Variants in PRPSAP1 observed in about 807,000 individuals in gnomAD.
PRPSAP1 encodes the protein phosphoribosyl pyrophosphate synthase-associated protein 1.
A neutral mutation model predicts 39.4 loss-of-function variants in PRPSAP1; 31 were observed. The observed-to-expected ratio is 0.79, with a 90% CI of 0.59 to 1.06. The LOEUF is 1.06. PRPSAP1 is among the 50% of genes least tolerant of loss of function. PRPSAP1 has a pLI of 0.00. For missense variants in PRPSAP1, 430 were observed against 511.6 expected (o/e 0.84, Z 1.54); for synonymous variants, 212 against 192.6 (o/e 1.10, Z -0.83).
chr17:76,317,193 T>C (rs2071133405), intron 7 of PRPSAP1, among the ~76,000 whole-genome samples: 1 of 152,168 alleles, frequency 6.6e-6, no homozygotes, highest in African/African-American at 2.4e-5. Flanking sequence ...CTACTAAAAA[T>C]ATAAAAATTA....
intron 3 of PRPSAP1, among the ~76,000 whole-genome samples, chr17:76,336,206 G>A (rs1003203753): frequency 2.6e-5 from 4 of 152,206 alleles, no homozygotes; most frequent in Non-Finnish European, 5.9e-5. Flanking sequence ...GAGAGGCCAA[G>A]ACAGGTGGAT....
At chr17:76,329,905 A>G (rs1598527472) in intron 6 of PRPSAP1, 138 bp downstream of exon 6, 5 of 726,696 alleles carry the variant, frequency 6.9e-6, no homozygotes, top group Middle Eastern at 2.4e-4. Context: ...GGCATGGGAC[A>G]TGACAACGAT....
At chr17:76,350,310 G>A (rs181295936) in intron 1 of PRPSAP1, among the ~76,000 whole-genome samples, 48 of 151,932 alleles carry the variant, frequency 3.2e-4, no homozygotes, top group Admixed American at 1.5e-3. Flanking sequence ...GTGGTGGAGG[G>A]CGCCTGTAGT....
intron 6 of PRPSAP1, among the ~76,000 whole-genome samples, chr17:76,329,684 C>T (rs2071298344): frequency 6.6e-6 from 1 of 150,790 alleles, no homozygotes; most frequent in African/African-American, 2.5e-5. Flanking sequence ...TGCAGTGAGC[C>T]GAGATCGCGC....
chr17:76,326,012 C>T (rs1009556939), intron 7 of PRPSAP1, among the ~76,000 whole-genome samples: 4 of 152,146 alleles, frequency 2.6e-5, no homozygotes, highest in African/African-American at 9.7e-5. Context: ...ATAAACATAA[C>T]TTTTACATGT....
intron 3 of PRPSAP1, among the ~76,000 whole-genome samples, chr17:76,333,090 A>C (rs1163663506): frequency 2.7e-5 from 4 of 150,744 alleles, no homozygotes; most frequent in African/African-American, 9.8e-5. Context: ...ACGGGGTTTC[A>C]CCATGTTAGC....
At chr17:76,344,403 AC>A (rs2071473451) in intron 3 of PRPSAP1, among the ~76,000 whole-genome samples, 1 of 152,206 alleles carries the variant, frequency 6.6e-6, no homozygotes, top group East Asian at 1.9e-4. Context: ...TGCTGGGATT[AC>A]AGGCGTGAGC....
Position 76,311,754 on chromosome 17 carries a change from C to T in PRPSAP1, c.1000-54G>A, listed in dbSNP as rs2071073351. The stretch of plus-strand genomic sequence containing the variant: ...CTGTTACTGAAGTCTGTTCTCCAAG[C>T]TGGTTACACAGAAAAGCTTATCTAA... On this transcript the variant is annotated intron_variant, in intron 9 of 9. Transcript: ENST00000446526. 6 of 1,560,790 alleles carry T rather than the reference C, an allele frequency of 3.8e-6. No homozygotes were observed. The African/African-American group carries it at 4.1e-5, about 11-fold the overall frequency.
chr17:76,322,851 T>C (rs572949844), intron 7 of PRPSAP1, among the ~76,000 whole-genome samples: 1 of 151,962 alleles, frequency 6.6e-6, no homozygotes, highest in South Asian at 2.1e-4. Context: ...TCAGGTGTGG[T>C]GGCACGTACC....
chr17:76,345,886 G>A (rs1300151228), intron 2 of PRPSAP1: 2 of 420,358 alleles, frequency 4.8e-6, no homozygotes, highest in Non-Finnish European at 4.6e-6. Context: ...TGAGGCCAAG[G>A]TGAAAGACGA....
At chr17:76,315,700 CTTTTTT>C (rs71161279) in intron 7 of PRPSAP1, among the ~76,000 whole-genome samples, 3 of 72,640 alleles carry the variant, frequency 4.1e-5, no homozygotes, top group African/African-American at 1.9e-4. Context: ...GACCTATCCG[CTTTTTT>C]TTTTTTTTTT....
chr17:76,344,534 G>A, intron 3 of PRPSAP1, 137 bp downstream of exon 3: 2 of 742,058 alleles, frequency 2.7e-6, no homozygotes, highest in East Asian at 5.6e-5. Flanking sequence ...CAAAGTGTTG[G>A]CATAACAGGC....
chr17:76,320,337 G>GAAGA (rs2071180069), intron 7 of PRPSAP1, among the ~76,000 whole-genome samples: 9 of 93,230 alleles, frequency 9.7e-5, no homozygotes, highest in African/African-American at 6.6e-4. Flanking sequence ...GGGAGGGAGG[G>GAAGA]AGGGAGGAAG....
intron 2 of PRPSAP1, among the ~76,000 whole-genome samples, chr17:76,347,531 G>A (rs1598543162): frequency 1.3e-5 from 2 of 150,150 alleles, no homozygotes; most frequent in East Asian, 2.0e-4. Context: ...ACAGAGTGAG[G>A]GGAAAGAGAG....
chr17:76,341,861 C>A (rs2071443121), intron 3 of PRPSAP1, among the ~76,000 whole-genome samples: 1 of 152,110 alleles, frequency 6.6e-6, no homozygotes, highest in South Asian at 2.1e-4. Flanking sequence ...ATGGCGTGAA[C>A]TCGGGAGGCG....
chr17:76,338,097 C>T (rs2071397797), intron 3 of PRPSAP1, among the ~76,000 whole-genome samples: 2 of 152,130 alleles, frequency 1.3e-5, no homozygotes, highest in Non-Finnish European at 2.9e-5. Flanking sequence ...TTCTGAATGG[C>T]TTTTTGCCAT....
chr17:76,352,872 G>C (rs2071593672), intron 1 of PRPSAP1, among the ~76,000 whole-genome samples: 1 of 152,102 alleles, frequency 6.6e-6, no homozygotes, highest in Non-Finnish European at 1.5e-5. Context: ...GCAAGGCTGG[G>C]AGGGCATCTC....
chr17:76,348,139 T>C (rs557395995), intron 2 of PRPSAP1, among the ~76,000 whole-genome samples: 5 of 149,580 alleles, frequency 3.3e-5, no homozygotes, highest in East Asian at 2.0e-4. Context: ...CTGGCCAACA[T>C]AGTGAGACCC....
At chr17:76,346,130 T>C (rs2071498445) in intron 2 of PRPSAP1, 2 of 304,498 alleles carry the variant, frequency 6.6e-6, no homozygotes, top group South Asian at 3.4e-5. Flanking sequence ...AACTGTGTAC[T>C]TCTGGTGACT....
Sources: gnomAD v4.1 joint callset for allele counts (sites outside exome capture counted in the v4.1 genomes callset) on GRCh38, gnomAD v4.1.1 for gene constraint, MANE v1.5 for transcripts, NCBI Gene and HGNC (gene_info 2026-07-23, HGNC 2026-07-21) for gene names.